Variants in ARMC1 observed in about 807,000 individuals in gnomAD.
ARMC1 encodes the protein armadillo repeat-containing protein 1.
ARMC1 carries 16 observed loss-of-function variants against 31.4 expected under a neutral mutation model. That is an observed-to-expected ratio of 0.51 (90% CI 0.34 to 0.77). The LOEUF is 0.77. Among genes scored for constraint, ARMC1 ranks in the 30% least tolerant of loss-of-function variants. The probability of loss-of-function intolerance (pLI) is 0.01; values close to 1 mark genes in which losing one functional copy is unlikely to be tolerated. For synonymous variants in ARMC1, 114 were observed against 118.9 expected (o/e 0.96, Z 0.27); for missense variants, 259 against 347.5 (o/e 0.75, Z 2.02).
At chr8:65,622,533 T>C (rs1808416122) in intron 2 of ARMC1, among the ~76,000 whole-genome samples, 179 bp from the exon 3 acceptor site, 1 of 152,260 alleles carries the variant, frequency 6.6e-6, no homozygotes, top group Non-Finnish European at 1.5e-5. Flanking sequence ...CTTTGAGCTG[T>C]AGTAGCTGAT....
In ARMC1 at chr8:65,627,333, C is replaced by G. The variant is rs765689111; in HGVS notation, c.66G>C (p.Arg22=). Residue 22 remains arginine, a synonymous_variant, in exon 2 of 7, where the codon CGG becomes CGC. Transcript: ENST00000276569. ...PDALSVVNQL[R]DLAADPLNRR... is the part of the protein sequence containing the mutation. ...TGTTTAACGGATCTGCTGCTAGATC[C>G]CGTAACTGGTTAACTACCGATAGAG... 1 of 1,613,262 alleles carries G rather than the reference C, an allele frequency of 6.2e-7. No homozygotes were observed. Among genetic ancestry groups the G allele is most frequent in the Admixed American group, 1.7e-5 (1 of 59,792 alleles).
chr8:65,621,292 A>T (rs1385696035), intron 3 of ARMC1, among the ~76,000 whole-genome samples: 1 of 152,132 alleles, frequency 6.6e-6, no homozygotes, highest in East Asian at 1.9e-4. Context: ...CAGCAACAGG[A>T]TGAGGGGAGA....
At chr8:65,632,588 G>T (rs1808669477) in intron 1 of ARMC1, among the ~76,000 whole-genome samples, 1 of 152,056 alleles carries the variant, frequency 6.6e-6, no homozygotes, top group Admixed American at 6.6e-5. Context: ...ACTCCAGCCT[G>T]GGCAACAGAG....
intron 6 of ARMC1, 134 bp downstream of exon 6, chr8:65,605,129 A>C (rs1807974843): frequency 1.4e-6 from 1 of 708,922 alleles, no homozygotes; most frequent in Non-Finnish European, 2.3e-6. Flanking sequence ...TTTCTAAAAC[A>C]GTTAACTGTT....
chr8:65,609,074 C>CT (rs150335336), intron 4 of ARMC1, among the ~76,000 whole-genome samples: 51,611 of 150,430 alleles, frequency 0.34, 9,307 homozygotes, highest in East Asian at 0.47. Context: ...TCATTTTGGA[C>CT]TTGGTAATCA....
chr8:65,616,661 C>T (rs1156395394), intron 3 of ARMC1, among the ~76,000 whole-genome samples: 6 of 151,716 alleles, frequency 4.0e-5, no homozygotes, highest in African/African-American at 1.5e-4. Context: ...CGCCTCTTCC[C>T]GGCCGCCATC....
intron 1 of ARMC1, 111 bp from the exon 2 acceptor site, chr8:65,627,544 A>G: frequency 1.8e-6 from 1 of 557,632 alleles, no homozygotes; most frequent in Non-Finnish European, 2.8e-6. Context: ...CTAAAACTAA[A>G]TCACATAAAA....
intron 1 of ARMC1, among the ~76,000 whole-genome samples, chr8:65,631,486 G>T (rs1281954414): frequency 6.6e-6 from 1 of 152,104 alleles, no homozygotes; most frequent in African/African-American, 2.4e-5. Context: ...CACCCTCCTC[G>T]GCCTCCCAAA....
intron 3 of ARMC1, among the ~76,000 whole-genome samples, chr8:65,617,922 G>A (rs113931490): frequency 2.7e-5 from 4 of 150,282 alleles, no homozygotes; most frequent in South Asian, 4.2e-4. Flanking sequence ...TTTTCGGCGG[G>A]GGGGGAGGGA....
At chr8:65,619,331 A>G (rs1325975696) in intron 3 of ARMC1, among the ~76,000 whole-genome samples, 1 of 151,968 alleles carries the variant, frequency 6.6e-6, no homozygotes, top group Non-Finnish European at 1.5e-5. Flanking sequence ...TGAGGCCACG[A>G]GTTCGAGACC....
intron 4 of ARMC1, 88 bp downstream of exon 4, chr8:65,613,156 G>A (rs1808178490): frequency 6.4e-6 from 7 of 1,090,806 alleles, no homozygotes; most frequent in South Asian, 4.0e-5. Flanking sequence ...TACTGATATC[G>A]AGATTTATTC....
intron 3 of ARMC1, among the ~76,000 whole-genome samples, chr8:65,617,917 G>T (rs1365091375): frequency 1.3e-5 from 1 of 76,908 alleles, no homozygotes; most frequent in African/African-American, 5.2e-5. Context: ...TCCTTTTTTC[G>T]GCGGGGGGGG....
Position 65,603,224 on chromosome 8 carries a change from T to A in ARMC1, c.*1170A>T, listed in dbSNP as rs186448474. Reference sequence around the variant, plus strand: ...AGCACTTATCTACCAAAAAAACATATGTGTATGTATTTATTTATCTTACCT... The same window carrying A: ...AGCACTTATCTACCAAAAAAACATAAGTGTATGTATTTATTTATCTTACCT... On this transcript the variant is annotated 3_prime_UTR_variant, in exon 7 of 7. Coordinates refer to ENST00000276569, the MANE Select transcript of ARMC1 (RefSeq NM_018120.6). 2.6e-5 allele frequency: 4 copies of A among 152,324 alleles called. No individual in the cohort carries two copies. The East Asian group carries it at 7.7e-4, about 29-fold the overall frequency. The allele number at this position is 152,324 out of a possible 1,614,324, so 9.4% of individuals were successfully genotyped here.
chr8:65,621,044 G>C (rs960416716), intron 3 of ARMC1, among the ~76,000 whole-genome samples: 2 of 152,144 alleles, frequency 1.3e-5, no homozygotes, highest in Non-Finnish European at 2.9e-5. Context: ...GCTGCAGTGA[G>C]CCATGATCAT....
rs559926626 is a variant in ARMC1 at position 65,610,120 on chromosome 8, C to T, written c.465+3124G>A. On this transcript the variant is annotated intron_variant, in intron 4 of 6. Transcript: ENST00000276569. The stretch of plus-strand genomic sequence containing the variant: ...AATTAAAATTTTTTTGTGTGTGTGA[C>T]GGGATCTCGCCCTGTCGCCCAGGCT... 5.9e-4 allele frequency among the ~76,000 whole-genome samples: 89 copies of T among 151,960 alleles called. 1 individual carries two copies. Among genetic ancestry groups the T allele is most frequent in the Admixed American group, 3.3e-3 (50 of 15,258 alleles).
At chr8:65,606,286 G>A (rs190498202) in intron 4 of ARMC1, among the ~76,000 whole-genome samples, 136 of 151,800 alleles carry the variant, frequency 9.0e-4, no homozygotes, top group African/African-American at 3.0e-3. Flanking sequence ...ACTTGAACCC[G>A]GGAGGCGGAG....
chr8:65,621,610 G>C (rs1808395415), intron 3 of ARMC1, among the ~76,000 whole-genome samples: 1 of 152,140 alleles, frequency 6.6e-6, no homozygotes, highest in Admixed American at 6.5e-5. Context: ...CCAGGTTCAA[G>C]TGATTCTCCT....
chr8:65,603,387 A>G lies in ARMC1; in HGVS notation c.*1007T>C, dbSNP rs1807935118. On this transcript the variant is annotated 3_prime_UTR_variant, in exon 7 of 7. Transcript: ENST00000276569. ...CATTTTCATAATAAATTCACAAAAG[A>G]CAATACAAAGAAACACCTACTGAAT... The G allele has an allele frequency of 6.6e-6, 1 of 152,240 alleles. No homozygotes were observed. Among genetic ancestry groups the G allele is most frequent in the South Asian group, 2.1e-4 (1 of 4,830 alleles). 9.4% of individuals were successfully genotyped at this position (152,240 alleles called of 1,614,324 possible). A position where few individuals can be genotyped will look rare whatever the true frequency, so the allele number is the denominator to read the frequency against.
chr8:65,626,837 G>A (rs1808520859), intron 2 of ARMC1, among the ~76,000 whole-genome samples: 1 of 152,032 alleles, frequency 6.6e-6, no homozygotes, highest in African/African-American at 2.4e-5. Flanking sequence ...CCAACATGGC[G>A]AAACCCTATC....
Sources: gnomAD v4.1 joint callset for allele counts (sites outside exome capture counted in the v4.1 genomes callset) on GRCh38, gnomAD v4.1.1 for gene constraint, MANE v1.5 for transcripts, NCBI Gene and HGNC (gene_info 2026-07-23, HGNC 2026-07-21) for gene names.